Variants in GAS6 observed in about 807,000 individuals in gnomAD.
GAS6 encodes the protein growth arrest specific 6, also known as growth arrest-specific protein 6.
A neutral mutation model predicts 75.8 loss-of-function variants in GAS6; 41 were observed. The observed-to-expected ratio is 0.54, with a 90% CI of 0.42 to 0.70. The LOEUF (loss-of-function observed/expected upper bound fraction) is 0.70. Among genes scored for constraint, GAS6 ranks in the 30% least tolerant of loss-of-function variants. GAS6 has a pLI of 0.00. For synonymous variants in GAS6, 432 were observed against 412.6 expected (o/e 1.05, Z -0.57); for missense variants, 854 against 940.2 (o/e 0.91, Z 1.20).
intron 2 of GAS6, among the ~76,000 whole-genome samples, chr13:113,860,803 C>T (rs1289689749): frequency 6.6e-6 from 1 of 152,184 alleles, no homozygotes; most frequent in African/African-American, 2.4e-5. Flanking sequence ...AGTGTCCCTT[C>T]CAGCAGAACA....
At chr13:113,850,633 G>A (rs944663634) in intron 2 of GAS6, among the ~76,000 whole-genome samples, 24 of 152,322 alleles carry the variant, frequency 1.6e-4, no homozygotes, top group African/African-American at 5.8e-4. Flanking sequence ...GCCCAGCACC[G>A]AGCCTGGTGC....
chr13:113,859,226 ACATGTCTGTGTGTGCCTATGTATG>A (rs2051948070), intron 2 of GAS6, among the ~76,000 whole-genome samples: 1 of 148,342 alleles, frequency 6.7e-6, no homozygotes, highest in African/African-American at 2.5e-5. Context: ...ACGTATGTGT[ACATGTCTGTGTGTGCCTATGTATG>A]CATGTCTGTG....
At chr13:113,826,831 C>A (rs2051554894) in intron 12 of GAS6, among the ~76,000 whole-genome samples, 165 bp downstream of exon 12, 3 of 152,206 alleles carry the variant, frequency 2.0e-5, no homozygotes, top group Admixed American at 2.0e-4. Context: ...GAGAGGTGGG[C>A]CTCTGCCCGC....
intron 8 of GAS6, among the ~76,000 whole-genome samples, chr13:113,834,219 G>C (rs1046028069): frequency 6.7e-6 from 1 of 150,224 alleles, no homozygotes; most frequent in Non-Finnish European, 1.5e-5. Flanking sequence ...CGGTGTGACA[G>C]GTCGGTGTGA....
At chr13:113,842,305 C>A (rs796973980) in intron 4 of GAS6, 3 of 296,312 alleles carry the variant, frequency 1.0e-5, no homozygotes, top group African/African-American at 7.8e-5. Context: ...ACGGAGCTCG[C>A]GTCTCGAAGT....
intron 2 of GAS6, among the ~76,000 whole-genome samples, chr13:113,855,004 C>T (rs2051903310): frequency 6.6e-6 from 1 of 152,258 alleles, no homozygotes; most frequent in Admixed American, 6.5e-5. Context: ...AGCCTCGTGC[C>T]CGCAACAGCT....
intron 2 of GAS6, among the ~76,000 whole-genome samples, chr13:113,849,878 C>T (rs774812245): frequency 6.6e-6 from 1 of 152,066 alleles, no homozygotes; most frequent in African/African-American, 2.4e-5. Context: ...CTAATTCCAC[C>T]GGCAAACTAG....
chr13:113,834,460 G>A lies in GAS6; in HGVS notation c.834+91C>T. ...ATCCCCAACACCTTAGCAAAGGCCA[G>A]GTCTTCACGGAAGTGTTTCTCCCGA... On this transcript the variant is annotated intron_variant, in intron 8 of 14. Transcript: ENST00000327773. 8 of 1,311,090 alleles carry A rather than the reference G, an allele frequency of 6.1e-6. No individual in the cohort carries two copies. In the South Asian group the frequency reaches 1.4e-4, roughly 23 times the overall value. 81.2% of individuals were successfully genotyped at this position (1,311,090 alleles called of 1,614,324 possible). A position where few individuals can be genotyped will look rare whatever the true frequency, so the allele number is the denominator to read the frequency against.
rs943203634 is a variant in GAS6, at chr13:113,837,836, G to A, written c.589+233C>T. Among the ~76,000 whole-genome samples, 1 of 152,136 alleles carries A rather than the reference G, an allele frequency of 6.6e-6. No individual in the cohort carries two copies. On this transcript the variant is annotated intron_variant, in intron 6 of 14. Coordinates refer to ENST00000327773, the MANE Select transcript of GAS6 (RefSeq NM_000820.4). This position sits in a 1 kb window ranked among gnomAD's most constrained non-coding sequence, Gnocchi z 5.1. The stretch of plus-strand genomic sequence containing the variant: ...GCCAGCAGTGTGGCCTCATGGGCTG[G>A]GCCGGCCCCCTGAGTCCTGGCCCTC...
intron 4 of GAS6, chr13:113,843,576 T>G (rs6602912): frequency 0.28 from 42,958 of 150,944 alleles, 7,329 homozygotes; most frequent in South Asian, 0.46. Flanking sequence ...GTGGCCGCTA[T>G]GGCAGGACGG....
In GAS6 at chr13:113,859,136, CTA is replaced by C. The variant is rs1241188461; in HGVS notation, c.255+4437_255+4438del. ...TGTGTGGCTGTGTGCTTACATATGT[CTA>C]TGTGAATGTGTGCATGTATGTGTAC... On this transcript the variant is annotated intron_variant, in intron 2 of 14. Coordinates refer to ENST00000327773, the MANE Select transcript of GAS6 (RefSeq NM_000820.4). Among the ~76,000 whole-genome samples, 6 of 146,168 alleles carry C rather than the reference CTA, an allele frequency of 4.1e-5. No individual in the cohort carries two copies. The South Asian group carries it at 6.5e-4, about 16-fold the overall frequency.
At chr13:113,846,627 C>T (rs754801645) in intron 3 of GAS6, 38 bp from the exon 4 acceptor site, 1 of 1,567,470 alleles carries the variant, frequency 6.4e-7, no homozygotes, top group Non-Finnish European at 8.8e-7. Context: ...GTCATCCTTA[C>T]AAGACCGGAT....
Position 113,827,271 on chromosome 13 carries a change from C to T in GAS6, c.1309-107G>A, listed in dbSNP as rs567700131. 337 of 1,106,432 alleles carry T rather than the reference C, an allele frequency of 3.0e-4. 1 individual carries two copies. The highest frequency in any genetic ancestry group is 2.2e-4 in the Non-Finnish European group (170 of 758,238). The allele number at this position is 1,106,432 out of a possible 1,614,324, so 68.5% of individuals were successfully genotyped here. A position where few individuals can be genotyped will look rare whatever the true frequency, so the allele number is the denominator to read the frequency against. Reference sequence around the variant, plus strand: ...CGCGGCCCTGGTATGTGCAGCTCTACGGCAGAAACGGGCCAGTCCCATCGG... The same window carrying T: ...CGCGGCCCTGGTATGTGCAGCTCTATGGCAGAAACGGGCCAGTCCCATCGG... On this transcript the variant is annotated intron_variant, in intron 11 of 14. Transcript: ENST00000327773.
chr13:113,832,925 C>G (rs2051648596), intron 8 of GAS6, 173 bp from the exon 9 acceptor site: 1 of 1,497,724 alleles, frequency 6.7e-7, no homozygotes, highest in South Asian at 1.3e-5. Flanking sequence ...CACTGGGACT[C>G]CCAGGTGAAG....
Position 113,855,969 on chromosome 13 carries a change from A to G in GAS6, c.255+7606T>C, listed in dbSNP as rs113134880. Among the ~76,000 whole-genome samples, 596 of 152,286 alleles carry G rather than the reference A, an allele frequency of 3.9e-3. 7 individuals carry two copies. Among genetic ancestry groups the G allele is most frequent in the African/African-American group, 0.014 (572 of 41,564 alleles). ...CAGTGGCCGGGACACATGTCTCTCTAGTGGACTGGTTGCCTTCCGTGTTGT... is the reference window on the plus strand; with the variant it reads ...CAGTGGCCGGGACACATGTCTCTCTGGTGGACTGGTTGCCTTCCGTGTTGT... On this transcript the variant is annotated intron_variant, in intron 2 of 14. Transcript: ENST00000327773.
At chr13:113,861,817 G>A (rs1057242367) in intron 2 of GAS6, among the ~76,000 whole-genome samples, 5 of 152,154 alleles carry the variant, frequency 3.3e-5, no homozygotes, top group Admixed American at 6.5e-5. Flanking sequence ...GAGGGAAAGC[G>A]GGTTGTTATC....
chr13:113,848,923 A>C lies in GAS6; in HGVS notation c.256-873T>G, dbSNP rs1464295380. On this transcript the variant is annotated intron_variant, in intron 2 of 14. Coordinates refer to ENST00000327773, the MANE Select transcript of GAS6 (RefSeq NM_000820.4). This position sits in a 1 kb window ranked among gnomAD's most constrained non-coding sequence, Gnocchi z 4.8. ...ACCTGGGGGCATGAAGGTCAGGATT[A>C]GCAGGCGCTGGTAGCATTTTGCAGA... 6.6e-6 allele frequency among the ~76,000 whole-genome samples: 1 copy of C among 152,238 alleles called. No homozygotes were observed. Among genetic ancestry groups the C allele is most frequent in the Non-Finnish European group, 1.5e-5 (1 of 68,042 alleles).
Position 113,848,087 on chromosome 13 carries a change from G to A in GAS6, c.256-37C>T, listed in dbSNP as rs750422712. Reference sequence around the variant, plus strand: ...GAAAAAGAAAAGGCAAGCATTGACCGGCACACTACGAGGGTCTCTGAACAA... The same window carrying A: ...GAAAAAGAAAAGGCAAGCATTGACCAGCACACTACGAGGGTCTCTGAACAA... On this transcript the variant is annotated intron_variant, in intron 2 of 14. Coordinates refer to ENST00000327773, the MANE Select transcript of GAS6 (RefSeq NM_000820.4). This position sits in a 1 kb window ranked among gnomAD's most constrained non-coding sequence, Gnocchi z 4.8. The A allele has an allele frequency of 3.6e-5, 58 of 1,608,410 alleles. No homozygotes were observed. The highest frequency in any genetic ancestry group is 6.7e-5 in the East Asian group (3 of 44,838).
At chr13:113,829,864 G>C (rs1481112972) in intron 10 of GAS6, among the ~76,000 whole-genome samples, 1 of 151,066 alleles carries the variant, frequency 6.6e-6, no homozygotes, top group East Asian at 2.0e-4. Flanking sequence ...TGAGCCAAGA[G>C]GGTCCCAATC....
Sources: gnomAD v4.1 joint callset for allele counts (sites outside exome capture counted in the v4.1 genomes callset) on GRCh38, gnomAD v4.1.1 for gene constraint, Gnocchi (gnomAD v3.1) non-coding constraint, MANE v1.5 for transcripts, NCBI Gene and HGNC (gene_info 2026-07-23, HGNC 2026-07-21) for gene names.